ZNF493: variants seen among roughly 807,000 people sequenced by gnomAD.
ZNF493 encodes zinc finger protein 493.
ZNF493 carries 11 observed loss-of-function variants against 12.2 expected under a neutral mutation model. The ratio of observed to expected loss-of-function variants is 0.90; its 90% CI spans 0.57 to 1.50. The LOEUF is 1.50. Ranked by LOEUF, ZNF493 falls within the 40% of genes most tolerant of loss-of-function variation. The pLI, the probability that ZNF493 is intolerant of heterozygous loss-of-function variation, is 0.00. For missense variants in ZNF493, 950 were observed against 906.6 expected, an observed-to-expected ratio of 1.05 and a Z score of -0.61; for synonymous variants, 286 against 302.6, an observed-to-expected ratio of 0.95 and a Z score of 0.57.
chr19:21,408,724 G>A, intron 3 of ZNF493: 3 of 985,028 alleles, frequency 3.0e-6, no homozygotes, highest in Non-Finnish European at 3.6e-6. Flanking sequence ...TATAATTTTA[G>A]TCAATTTGCA....
At chr19:21,411,589 G>A (rs551721774) in intron 3 of ZNF493, among the ~76,000 whole-genome samples, 25 of 151,906 alleles carry the variant, frequency 1.6e-4, no homozygotes, top group South Asian at 2.1e-4. Flanking sequence ...GTGTGGTGGC[G>A]TGCGCCTGTA....
At chr19:21,422,873 T>G in intron 3 of ZNF493, 40 bp from the exon 4 acceptor site, 2 of 1,484,422 alleles carry the variant, frequency 1.3e-6, no homozygotes, top group Non-Finnish European at 1.8e-6. Flanking sequence ...TTTATCTGAG[T>G]CTAGTAAGTG....
At position 21,397,146 on chromosome 19, in the gene ZNF493, G is replaced by A. The variant is rs1974182216; in HGVS notation, c.-92G>A. The A allele has an allele frequency of 6.8e-7, 1 of 1,464,874 alleles. No individual in the cohort carries two copies. Among genetic ancestry groups the A allele is most frequent in the Non-Finnish European group, 9.6e-7 (1 of 1,045,608 alleles). 90.7% of individuals were successfully genotyped at this position (1,464,874 alleles called of 1,614,324 possible). ...TGTGGCTGGGCCATTGTTTCTCTCT[G>A]CTGCCGGAGCTCCAGGTCTACCCTT... is the stretch of plus-strand genomic sequence containing the variant. On this transcript the variant is annotated 5_prime_UTR_variant, in exon 1 of 4. Transcript: ENST00000392288.
Position 21,423,695 on chromosome 19 carries a change from G to A in ZNF493, c.1036G>A (p.Glu346Lys), listed in dbSNP as rs1172204675. The A allele has an allele frequency of 1.2e-6, 2 of 1,613,716 alleles. No homozygotes were observed. The highest frequency in any genetic ancestry group is 1.7e-5 in the Admixed American group (1 of 59,974). Residue 346 changes from glutamate to lysine, a missense_variant, in exon 4 of 4, where the codon GAG becomes AAG. Physicochemically the swap from Glu to Lys is moderately conservative, Grantham distance 56. Coordinates refer to ENST00000392288, the MANE Select transcript of ZNF493 (RefSeq NM_001076678.3). ...TAAACATAAGATAATTCACACTGAA[G>A]AGAAATCCCACAGATGTGAAGAATA... The part of the protein sequence containing the change: ...PTKHKIIHTE[E>K]KSHRCEEYCK...
At chr19:21,414,726 T>C (rs2030429797) in intron 3 of ZNF493, 1 of 152,220 alleles carries the variant, frequency 6.6e-6, no homozygotes, top group South Asian at 2.1e-4. Flanking sequence ...GTTCTGCTTT[T>C]TGAGCTGAAG....
rs1004986467 is a variant in ZNF493, at chr19:21,399,165, A to T, written c.30+1898A>T. On this transcript the variant is annotated intron_variant, in intron 1 of 3. Transcript: ENST00000392288. ...GTTATTTATTTATTTTTTATTTTTT[A>T]TTTTTTTATTTTTATTTTTTTGTCT... is the stretch of plus-strand genomic sequence containing the variant. Among the ~76,000 whole-genome samples the T allele has an allele frequency of 5.9e-5, 9 of 151,694 alleles. No homozygotes were observed. The East Asian group carries it at 1.7e-3, about 29-fold the overall frequency.
chr19:21,398,575 A>G lies in ZNF493; in HGVS notation c.30+1308A>G, dbSNP rs774974817. The G allele has an allele frequency of 2.4e-5, 10 of 418,806 alleles. 1 individual carries two copies. Among genetic ancestry groups the G allele is most frequent in the Middle Eastern group, 3.6e-4 (1 of 2,810 alleles). The allele number at this position is 418,806 out of a possible 1,614,324, so 25.9% of individuals were successfully genotyped here. ...CATGGTTATGTTAGCTAGAGTGTCC[A>G]TTGGATCTCAGCTTCTGGTTTATTT... is the stretch of plus-strand genomic sequence containing the variant. On this transcript the variant is annotated intron_variant, in intron 1 of 3. Transcript: ENST00000392288.
chr19:21,419,361 A>C (rs1228683834), intron 3 of ZNF493, among the ~76,000 whole-genome samples: 1 of 152,120 alleles, frequency 6.6e-6, no homozygotes, highest in Admixed American at 6.5e-5. Context: ...GGACAAAACT[A>C]ATAGGATAGA....
chr19:21,422,381 CTT>C (rs36187718), intron 3 of ZNF493, among the ~76,000 whole-genome samples: 107 of 135,236 alleles, frequency 7.9e-4, no homozygotes, highest in African/African-American at 2.5e-3. Flanking sequence ...TTTTACTAGT[CTT>C]TTTTTTTTTT....
rs893982905 is a variant in ZNF493 at position 21,427,541 on chromosome 19, T to C, written c.*2557T>C. 2 of 152,154 alleles carry C rather than the reference T, an allele frequency of 1.3e-5. No homozygotes were observed. Among genetic ancestry groups the C allele is most frequent in the Non-Finnish European group, 1.5e-5 (1 of 68,038 alleles). The allele number at this position is 152,154 out of a possible 1,614,324, so 9.4% of individuals were successfully genotyped here. A position where few individuals can be genotyped will look rare whatever the true frequency, so the allele number is the denominator to read the frequency against. On this transcript the variant is annotated 3_prime_UTR_variant, in exon 4 of 4. Coordinates refer to ENST00000392288, the MANE Select transcript of ZNF493 (RefSeq NM_001076678.3). ...TTCAACATTTTTAACATGGTAAATA[T>C]TATTGTGCATTCAATAAAGTGTTGT...
Position 21,427,527 on chromosome 19 carries a change from T to A in ZNF493, c.*2543T>A, listed in dbSNP as rs1283413133. Reference sequence around the variant, plus strand: ...GTGAAGGTAACTGTTTCAACATTTTTAACATGGTAAATATTATTGTGCATT... The same window carrying A: ...GTGAAGGTAACTGTTTCAACATTTTAAACATGGTAAATATTATTGTGCATT... On this transcript the variant is annotated 3_prime_UTR_variant, in exon 4 of 4. Coordinates refer to ENST00000392288, the MANE Select transcript of ZNF493 (RefSeq NM_001076678.3). The A allele has an allele frequency of 2.6e-5, 4 of 152,168 alleles. No individual in the cohort carries two copies. The highest frequency in any genetic ancestry group is 5.9e-5 in the Non-Finnish European group (4 of 68,048). The allele number at this position is 152,168 out of a possible 1,614,324, so 9.4% of individuals were successfully genotyped here. A position where few individuals can be genotyped will look rare whatever the true frequency, so the allele number is the denominator to read the frequency against.
At chr19:21,404,694 C>CAA (rs1337474460) in intron 1 of ZNF493, among the ~76,000 whole-genome samples, 4 of 152,134 alleles carry the variant, frequency 2.6e-5, no homozygotes, top group African/African-American at 9.7e-5. Context: ...TTCAGAAACT[C>CAA]AGAGTTTATT....
chr19:21,407,552 G>A lies in ZNF493; in HGVS notation c.253+1696G>A, dbSNP rs538755492. 417 of 799,932 alleles carry A rather than the reference G, an allele frequency of 5.2e-4. 1 individual carries two copies. In the African/African-American group the frequency reaches 6.2e-3, roughly 12 times the overall value. 49.6% of individuals were successfully genotyped at this position (799,932 alleles called of 1,614,324 possible). A position where few individuals can be genotyped will look rare whatever the true frequency, so the allele number is the denominator to read the frequency against. On this transcript the variant is annotated intron_variant, in intron 3 of 3. Coordinates refer to ENST00000392288, the MANE Select transcript of ZNF493 (RefSeq NM_001076678.3). ...GATCCGCCCGCCTCAGTCTCCCAAAGTGCTGGTATTACAGGCGTGAGCCAC... is the reference window on the plus strand; with the variant it reads ...GATCCGCCCGCCTCAGTCTCCCAAAATGCTGGTATTACAGGCGTGAGCCAC...
At chr19:21,420,183 CA>C (rs1470482640) in intron 3 of ZNF493, among the ~76,000 whole-genome samples, 17 of 152,274 alleles carry the variant, frequency 1.1e-4, no homozygotes, top group African/African-American at 4.1e-4. Context: ...TCTGCCTGTA[CA>C]GACACAAAGT....
chr19:21,400,508 CAAGT>C (rs1568376269), intron 1 of ZNF493, among the ~76,000 whole-genome samples: 2 of 152,072 alleles, frequency 1.3e-5, no homozygotes, highest in African/African-American at 4.8e-5. Context: ...TTTCAAAAAC[CAAGT>C]GAGTAACTCT....
chr19:21,423,140 A>G lies in ZNF493; in HGVS notation c.481A>G (p.Lys161Glu), dbSNP rs1374265331. 1 of 1,613,502 alleles carries G rather than the reference A, an allele frequency of 6.2e-7. No homozygotes were observed. Among genetic ancestry groups the G allele is most frequent in the African/African-American group, 1.3e-5 (1 of 74,902 alleles). ...SKIFQCDKYV[K>E]VFHKLLNSNR... is the part of the protein sequence containing the mutation. ...AATATTTCAATGTGATAAATATGTG[A>G]AAGTCTTTCATAAACTTTTAAATTC... is the stretch of plus-strand genomic sequence containing the variant. The change falls in exon 4 of 4, where the codon AAA (lysine) becomes GAA (glutamate). Residue 161 changes from lysine to glutamate, a missense_variant. Physicochemically the swap from Lys to Glu is moderately conservative, Grantham distance 56. Transcript: ENST00000392288.
rs533266561 is a variant in ZNF493 at position 21,411,568 on chromosome 19, A to T, written c.253+5712A>T. 1.2e-4 allele frequency among the ~76,000 whole-genome samples: 19 copies of T among 152,066 alleles called. No homozygotes were observed. The South Asian group carries it at 1.9e-3, about 15-fold the overall frequency. On this transcript the variant is annotated intron_variant, in intron 3 of 3. Coordinates refer to ENST00000392288, the MANE Select transcript of ZNF493 (RefSeq NM_001076678.3). ...AACCCCGTCTCTACTAAAATACAAAAAATTAGCAGGGTGTGGTGGCGTGCG... is the reference window on the plus strand; with the variant it reads ...AACCCCGTCTCTACTAAAATACAAATAATTAGCAGGGTGTGGTGGCGTGCG...
chr19:21,426,836 A>G lies in ZNF493; in HGVS notation c.*1852A>G, dbSNP rs1285110806. The G allele has an allele frequency of 1.2e-5, 2 of 167,080 alleles. No individual in the cohort carries two copies. Among genetic ancestry groups the G allele is most frequent in the African/African-American group, 2.4e-5 (1 of 41,474 alleles). 10.3% of individuals were successfully genotyped at this position (167,080 alleles called of 1,614,324 possible). A position where few individuals can be genotyped will look rare whatever the true frequency, so the allele number is the denominator to read the frequency against. On this transcript the variant is annotated 3_prime_UTR_variant, in exon 4 of 4. Transcript: ENST00000392288. ...AGCGACACTTCGAATATTCTACTAA[A>G]TGAGAGTTCTGAGTATAGAAAATAA...
chr19:21,415,422 C>T (rs1225296150), intron 3 of ZNF493, among the ~76,000 whole-genome samples: 2 of 152,102 alleles, frequency 1.3e-5, no homozygotes, highest in African/African-American at 4.8e-5. Context: ...TTAATGTTTT[C>T]AATTGATCCC....
Sources: allele counts gnomAD v4.1 joint callset (sites outside exome capture counted in the v4.1 genomes callset), GRCh38; gene constraint gnomAD v4.1.1; transcripts MANE v1.5; gene names NCBI Gene and HGNC (gene_info 2026-07-23, HGNC 2026-07-21).